FMNL2: variants seen among roughly 807,000 people sequenced by gnomAD.
FMNL2 encodes formin-like protein 2.
FMNL2 carries 51 observed loss-of-function variants against 130.2 expected under a neutral mutation model. That is an observed-to-expected ratio of 0.39 (90% confidence interval 0.31 to 0.49). FMNL2 has a LOEUF of 0.49. Among genes scored for constraint, FMNL2 ranks in the 20% least tolerant of loss-of-function variants. FMNL2 has a pLI of 0.85. For missense variants in FMNL2, 977 were observed against 1,316.2 expected (o/e 0.74, Z 3.99); for synonymous variants, 465 against 467.1 (o/e 1.00, Z 0.06).
Position 152,363,392 on chromosome 2 carries a change from A to G in FMNL2, c.117+27672A>G, listed in dbSNP as rs148481849. Among the ~76,000 whole-genome samples, 17 of 152,264 alleles carry G rather than the reference A, an allele frequency of 1.1e-4. No homozygotes were observed. The East Asian group carries it at 3.3e-3, about 29-fold the overall frequency. ...GTTTAAATCCCAATGTATGAGGATG[A>G]CTGAATTCTATTTTCGTTTGGAGTT... is the stretch of plus-strand genomic sequence containing the variant. On this transcript the variant is annotated intron_variant, in intron 1 of 25. Transcript: ENST00000288670.
chr2:152,431,984 A>AAAAAAAAAAAG (rs1687517228), intron 1 of FMNL2, among the ~76,000 whole-genome samples: 1 of 151,104 alleles, frequency 6.6e-6, no homozygotes, highest in Non-Finnish European at 1.5e-5. Flanking sequence ...AAAAAAAAAA[A>AAAAAAAAAAAG]AGATTTGAAA....
intron 1 of FMNL2, among the ~76,000 whole-genome samples, chr2:152,411,183 T>C (rs1686271944): frequency 6.6e-6 from 1 of 152,218 alleles, no homozygotes; most frequent in Non-Finnish European, 1.5e-5. Context: ...CTGAGAGAAT[T>C]TGACAGAAGC....
intron 6 of FMNL2, among the ~76,000 whole-genome samples, chr2:152,562,177 A>T (rs904014283): frequency 1.3e-5 from 2 of 152,218 alleles, no homozygotes; most frequent in Non-Finnish European, 2.9e-5. Flanking sequence ...GTGGTTCATG[A>T]TTTTAACATA....
intron 2 of FMNL2, among the ~76,000 whole-genome samples, chr2:152,527,134 C>T (rs1693432870): frequency 6.6e-6 from 1 of 152,092 alleles, no homozygotes; most frequent in South Asian, 2.1e-4. Context: ...TCTGCACTTA[C>T]CTGTTTCCTA....
At chr2:152,512,540 A>T (rs1195313074) in intron 1 of FMNL2, among the ~76,000 whole-genome samples, 3 of 152,220 alleles carry the variant, frequency 2.0e-5, no homozygotes, top group Non-Finnish European at 4.4e-5. Flanking sequence ...TATTGATGAT[A>T]ATCTGGCCTT....
At chr2:152,584,991 A>G (rs1367282832) in intron 9 of FMNL2, among the ~76,000 whole-genome samples, 1 of 152,176 alleles carries the variant, frequency 6.6e-6, no homozygotes, top group Non-Finnish European at 1.5e-5. Flanking sequence ...TCACTGAGCA[A>G]ACACATACAT....
chr2:152,404,256 G>A (rs138641011), intron 1 of FMNL2, among the ~76,000 whole-genome samples: 6 of 152,118 alleles, frequency 3.9e-5, no homozygotes, highest in African/African-American at 1.4e-4. Flanking sequence ...GTGTATCATC[G>A]GTTTGTTCAG....
intron 9 of FMNL2, among the ~76,000 whole-genome samples, chr2:152,594,097 G>C (rs1302413727): frequency 6.6e-6 from 1 of 152,124 alleles, no homozygotes; most frequent in African/African-American, 2.4e-5. Flanking sequence ...GAGGATGAGA[G>C]GATTCCTGGT....
At chr2:152,639,842 C>CGGTGAT in intron 23 of FMNL2, 116 bp from the exon 24 acceptor site, 3 of 677,406 alleles carry the variant, frequency 4.4e-6, no homozygotes, top group Admixed American at 4.3e-5. Context: ...ATCTTCTCAA[C>CGGTGAT]CTTCCATTTA....
chr2:152,443,486 G>A (rs1324696961), intron 1 of FMNL2, among the ~76,000 whole-genome samples: 2 of 152,116 alleles, frequency 1.3e-5, no homozygotes, highest in Admixed American at 6.6e-5. Flanking sequence ...TTGTTAGAGA[G>A]GGTCACAACA....
chr2:152,506,877 C>CT (rs2105345346), intron 1 of FMNL2, among the ~76,000 whole-genome samples: 1 of 152,270 alleles, frequency 6.6e-6, no homozygotes, highest in African/African-American at 2.4e-5. Context: ...AGCATAATTA[C>CT]TTATCAATAT....
chr2:152,521,920 C>T, intron 1 of FMNL2, 23 bp from the exon 2 acceptor site: 2 of 1,589,450 alleles, frequency 1.3e-6, no homozygotes, highest in Non-Finnish European at 1.7e-6. Flanking sequence ...GACATCTTTT[C>T]TCTCTTTATT....
At chr2:152,401,746 T>C (rs986425525) in intron 1 of FMNL2, among the ~76,000 whole-genome samples, 1 of 152,098 alleles carries the variant, frequency 6.6e-6, no homozygotes, top group African/African-American at 2.4e-5. Context: ...CCTTTGAGCC[T>C]AAAGTTCATT....
intron 1 of FMNL2, among the ~76,000 whole-genome samples, chr2:152,407,192 G>GTT (rs1336615421): frequency 7.6e-4 from 15 of 19,842 alleles, no homozygotes; most frequent in East Asian, 4.1e-3. Context: ...TTCACTTTCT[G>GTT]TTTTTGTTTT....
intron 1 of FMNL2, among the ~76,000 whole-genome samples, chr2:152,484,997 G>A (rs1405614889): frequency 6.6e-6 from 1 of 152,216 alleles, no homozygotes; most frequent in African/African-American, 2.4e-5. Context: ...ACCAGTGGTA[G>A]AAGAATAGAT....
intron 9 of FMNL2, among the ~76,000 whole-genome samples, chr2:152,603,194 A>G (rs1344255519): frequency 6.6e-6 from 1 of 152,124 alleles, no homozygotes; most frequent in Admixed American, 6.6e-5. Context: ...CCCTGAGTTC[A>G]TTAGTTGAGA....
intron 4 of FMNL2, among the ~76,000 whole-genome samples, chr2:152,554,383 A>G (rs1411423874): frequency 6.6e-6 from 1 of 152,216 alleles, no homozygotes; most frequent in African/African-American, 2.4e-5. Context: ...CTTCAGCCTC[A>G]GCAACAAAGT....
intron 1 of FMNL2, among the ~76,000 whole-genome samples, chr2:152,436,694 A>G (rs907549228): frequency 6.6e-6 from 1 of 152,100 alleles, no homozygotes; most frequent in African/African-American, 2.4e-5. Context: ...GACGTATATC[A>G]CTTCCTCCAG....
chr2:152,362,064 G>A (rs1683211647), intron 1 of FMNL2, among the ~76,000 whole-genome samples: 1 of 152,094 alleles, frequency 6.6e-6, no homozygotes, highest in South Asian at 2.1e-4. Context: ...TTAATATTTT[G>A]GTATGTATTC....
Sources: gnomAD v4.1 joint callset for allele counts (sites outside exome capture counted in the v4.1 genomes callset) on GRCh38, gnomAD v4.1.1 for gene constraint, MANE v1.5 for transcripts, NCBI Gene and HGNC (gene_info 2026-07-23, HGNC 2026-07-21) for gene names.